Variants in SRGAP2C observed in about 807,000 individuals in gnomAD.
The protein encoded by SRGAP2C is SLIT-ROBO Rho GTPase activating protein 2C.
Under a neutral mutation model 25.1 loss-of-function variants are expected in SRGAP2C, and 15 were observed. The observed-to-expected ratio is 0.60, with a 90% CI of 0.40 to 0.92. SRGAP2C has a LOEUF of 0.92. Ranked by LOEUF, SRGAP2C falls within the 40% of genes least tolerant of loss-of-function variation. The pLI, the probability that SRGAP2C is intolerant of heterozygous loss-of-function variation, is 0.00. For missense variants in SRGAP2C, 144 were observed against 264.4 expected (o/e 0.54, Z 3.16); for synonymous variants, 44 against 96.6 (o/e 0.46, Z 3.19).
At chr1:121,379,060 A>C (rs1553354129) in intron 7 of SRGAP2C, among the ~76,000 whole-genome samples, 1 of 152,180 alleles carries the variant, frequency 6.6e-6, no homozygotes, top group African/African-American at 2.4e-5. Context: ...AGAACAGGGC[A>C]TTGTCCTCAT....
chr1:121,358,807 T>C (rs1291275433), intron 4 of SRGAP2C, among the ~76,000 whole-genome samples: 1 of 45,864 alleles, frequency 2.2e-5, no homozygotes, highest in African/African-American at 8.2e-5. Flanking sequence ...AGATTCAATA[T>C]CTAGCTTGCT....
intron 2 of SRGAP2C, among the ~76,000 whole-genome samples, chr1:121,231,700 G>A (rs1553327581): frequency 6.7e-6 from 1 of 148,482 alleles, no homozygotes; most frequent in African/African-American, 2.5e-5. Flanking sequence ...ACAGAGCCTA[G>A]AGAAAGTAAG....
chr1:121,339,627 C>G (rs1252288605), intron 4 of SRGAP2C, among the ~76,000 whole-genome samples: 2 of 143,750 alleles, frequency 1.4e-5, no homozygotes, highest in African/African-American at 5.2e-5. Context: ...TCATTGTTGT[C>G]TTTTTGGAAA....
At chr1:121,285,173 A>G (rs1279835232) in intron 3 of SRGAP2C, among the ~76,000 whole-genome samples, 178 bp downstream of exon 3, 94,348 of 143,018 alleles carry the variant, frequency 0.66, 31,864 homozygotes, top group East Asian at 0.79. Context: ...TCAACATTTC[A>G]TAGAGATGAG....
At chr1:121,378,059 G>T (rs1222160509) in intron 7 of SRGAP2C, among the ~76,000 whole-genome samples, 2 of 150,694 alleles carry the variant, frequency 1.3e-5, no homozygotes, top group Non-Finnish European at 3.0e-5. Context: ...GTTAAGTTCT[G>T]TGAGAGCAGG....
At chr1:121,263,270 G>T (rs2101534722) in intron 2 of SRGAP2C, among the ~76,000 whole-genome samples, 1 of 151,200 alleles carries the variant, frequency 6.6e-6, no homozygotes, top group South Asian at 2.1e-4. Flanking sequence ...GTTGCAGCCA[G>T]CTGAGATCAC....
intron 2 of SRGAP2C, among the ~76,000 whole-genome samples, chr1:121,253,895 A>G (rs1302374793): frequency 1.3e-5 from 2 of 150,398 alleles, no homozygotes; most frequent in Admixed American, 1.3e-4. Flanking sequence ...GCCTACTGCT[A>G]TAAATTAATT....
intron 2 of SRGAP2C, among the ~76,000 whole-genome samples, chr1:121,191,895 C>CTTT (rs1215148646): frequency 6.1e-4 from 63 of 102,886 alleles, no homozygotes; most frequent in African/African-American, 2.1e-3. Flanking sequence ...GGGGTCTTGT[C>CTTT]TTTTTTTTTT....
chr1:121,365,432 A>G lies in SRGAP2C; in HGVS notation c.486+77A>G. 4.3e-6 allele frequency: 2 copies of G among 470,028 alleles called. 1 individual carries two copies. Among genetic ancestry groups the G allele is most frequent in the Non-Finnish European group, 7.2e-6 (2 of 276,854 alleles). The allele number at this position is 470,028 out of a possible 1,614,324, so 29.1% of individuals were successfully genotyped here. On this transcript the variant is annotated intron_variant, in intron 5 of 9. Coordinates refer to ENST00000367123, the MANE Select transcript of SRGAP2C (RefSeq NM_001329984.2). The stretch of plus-strand genomic sequence containing the variant: ...TGGCAGCTTGCAGCCATAGTACATC[A>G]GCAACAGAACTGAACTGAGGTTGAA...
At chr1:121,212,123 ATTTTT>A (rs60785126) in intron 2 of SRGAP2C, among the ~76,000 whole-genome samples, 29 of 61,956 alleles carry the variant, frequency 4.7e-4, no homozygotes, top group East Asian at 1.6e-3. Context: ...ATGGAGCTGT[ATTTTT>A]TTTTTTTTTT....
intron 4 of SRGAP2C, among the ~76,000 whole-genome samples, chr1:121,356,552 C>T (rs1442879683): frequency 1.3e-5 from 2 of 151,250 alleles, no homozygotes; most frequent in Admixed American, 6.6e-5. Context: ...TGCCTGTTTG[C>T]TTTTGTGTCT....
chr1:121,358,769 A>ATT (rs1161491118), intron 4 of SRGAP2C, among the ~76,000 whole-genome samples: 1,286 of 70,676 alleles, frequency 0.018, 37 homozygotes, highest in African/African-American at 0.027. Context: ...TTGAAATCAG[A>ATT]TTTTTTTTTT....
At chr1:121,260,387 G>C (rs1170511864) in intron 2 of SRGAP2C, among the ~76,000 whole-genome samples, 1 of 151,986 alleles carries the variant, frequency 6.6e-6, no homozygotes, top group Non-Finnish European at 1.5e-5. Context: ...GAAGGCCACT[G>C]TGGCTGAAGC....
chr1:121,372,968 C>T (rs1553351606), intron 5 of SRGAP2C, among the ~76,000 whole-genome samples: 2 of 96,486 alleles, frequency 2.1e-5, no homozygotes, highest in Non-Finnish European at 4.3e-5. Flanking sequence ...TATGGCATCA[C>T]ACTTTCAGCA....
intron 3 of SRGAP2C, among the ~76,000 whole-genome samples, chr1:121,297,115 C>T (rs1261878492): frequency 6.6e-6 from 1 of 151,598 alleles, no homozygotes; most frequent in Non-Finnish European, 1.5e-5. Flanking sequence ...TTCCCTTCTC[C>T]ATGGCTCAAG....
chr1:121,250,841 AG>A (rs1558094512), intron 2 of SRGAP2C, among the ~76,000 whole-genome samples: 1 of 121,692 alleles, frequency 8.2e-6, no homozygotes, highest in East Asian at 2.0e-4. Flanking sequence ...GGGAAGCCAA[AG>A]GGGCTTTCAG....
At chr1:121,239,282 C>CTATATA (rs1172267467) in intron 2 of SRGAP2C, among the ~76,000 whole-genome samples, 1 of 1,724 alleles carries the variant, frequency 5.8e-4, no homozygotes, top group African/African-American at 5.2e-3. Context: ...TATATATATA[C>CTATATA]TATATATATA....
At chr1:121,375,730 A>G (rs1351207734) in intron 7 of SRGAP2C, among the ~76,000 whole-genome samples, 1 of 151,776 alleles carries the variant, frequency 6.6e-6, no homozygotes, top group Non-Finnish European at 1.5e-5. Context: ...TTATATTTGT[A>G]TAGCATTTAA....
chr1:121,305,249 G>T (rs1159070341), intron 3 of SRGAP2C, among the ~76,000 whole-genome samples: 2 of 151,356 alleles, frequency 1.3e-5, no homozygotes, highest in Admixed American at 6.6e-5. Flanking sequence ...GGCCATGATT[G>T]TCTGTACTGT....
Sources: gnomAD v4.1 joint callset for allele counts (sites outside exome capture counted in the v4.1 genomes callset) on GRCh38, gnomAD v4.1.1 for gene constraint, MANE v1.5 for transcripts, NCBI Gene and HGNC (gene_info 2026-07-23, HGNC 2026-07-21) for gene names.